NAGA: variants seen among roughly 807,000 people sequenced by gnomAD.
NAGA encodes alpha-N-acetylgalactosaminidase, also known as Acetylgalactosaminidase, alpha-N- (alpha-galactosidase B).
Under a neutral mutation model 45.6 loss-of-function variants are expected in NAGA, and 42 were observed. That is an observed-to-expected ratio of 0.92 (90% CI 0.72 to 1.19). The LOEUF (loss-of-function observed/expected upper bound fraction) is 1.19. Ranked by LOEUF, NAGA falls within the 50% of genes most tolerant of loss-of-function variation. The probability of loss-of-function intolerance (pLI) is 0.00; values close to 1 mark genes in which losing one functional copy is unlikely to be tolerated. For missense variants in NAGA, 493 were observed against 544.8 expected, an observed-to-expected ratio of 0.90 and a Z score of 0.95; for synonymous variants, 176 against 203.1, an observed-to-expected ratio of 0.87 and a Z score of 1.13.
chr22:42,061,944 T>C (rs1409884040), intron 7 of NAGA, among the ~76,000 whole-genome samples: 6 of 79,822 alleles, frequency 7.5e-5, no homozygotes, highest in South Asian at 4.8e-4. Context: ...AGAGTGAGAC[T>C]CCATCTCAAA....
intron 6 of NAGA, among the ~76,000 whole-genome samples, chr22:42,064,982 A>G (rs1396678112): frequency 1.3e-5 from 2 of 152,194 alleles, no homozygotes; most frequent in Non-Finnish European, 2.9e-5. Context: ...TCACTGTGCC[A>G]AGCATTTCAG....
At chr22:42,063,674 G>C (rs1165063421) in intron 6 of NAGA, among the ~76,000 whole-genome samples, 4 of 152,236 alleles carry the variant, frequency 2.6e-5, no homozygotes, top group Non-Finnish European at 4.4e-5. Context: ...CCTTAAAGTT[G>C]TAAGCCTTTA....
chr22:42,068,376 TC>T (rs1926866327), intron 2 of NAGA, 62 bp downstream of exon 2: 2 of 1,612,998 alleles, frequency 1.2e-6, no homozygotes, highest in Non-Finnish European at 1.7e-6. Flanking sequence ...ACTCTCCACT[TC>T]CTGCCCCCGA....
At chr22:42,062,715 C>A in intron 7 of NAGA, 112 bp downstream of exon 7, 1 of 1,242,808 alleles carries the variant, frequency 8.0e-7, no homozygotes, top group Non-Finnish European at 1.2e-6. Context: ...TGGTTGGGGA[C>A]TGGGCGACTC....
At position 42,067,338 on chromosome 22, in the gene NAGA, G is replaced by A. The variant is rs201094546; in HGVS notation, c.325-48C>T. ...TGGGCTCAAGCAGGACCCTCAAGGA[G>A]CCTCCTCAAGGCATATCTGACCCCG... On this transcript the variant is annotated intron_variant, in intron 3 of 8. Coordinates refer to ENST00000396398, the MANE Select transcript of NAGA (RefSeq NM_000262.3). 2.5e-6 allele frequency: 4 copies of A among 1,607,406 alleles called. No individual in the cohort carries two copies. In the Admixed American group the frequency reaches 5.0e-5, roughly 20 times the overall value.
At position 42,067,207 on chromosome 22, in the gene NAGA, G is replaced by C. The variant is rs1449550607; in HGVS notation, c.408C>G (p.Asp136Glu). 3.1e-6 allele frequency: 5 copies of C among 1,614,070 alleles called. No individual in the cohort carries two copies. The African/African-American group carries it at 6.7e-5, about 22-fold the overall frequency. ...TCMGYPGTTL[D>E]KVVQDAQTFA... ...AGGTCTGAGCATCCTGGACCACCTTGTCCAGTGTGGTGCCTGGGTAACCCA... is the reference window on the plus strand; with the variant it reads ...AGGTCTGAGCATCCTGGACCACCTTCTCCAGTGTGGTGCCTGGGTAACCCA... The change falls in exon 4 of 9, where the codon GAC becomes GAG. Residue 136 changes from aspartate (D) to glutamate (E), a missense_variant. Coordinates refer to ENST00000396398, the MANE Select transcript of NAGA (RefSeq NM_000262.3).
rs1387064011 is a variant in NAGA at position 42,067,808 on chromosome 22, T to A, written c.281A>T (p.Asp94Val). The A allele has an allele frequency of 1.9e-6, 3 of 1,612,688 alleles. No homozygotes were observed. Among genetic ancestry groups the A allele is most frequent in the Non-Finnish European group, 2.5e-6 (3 of 1,179,960 alleles). ...GRDASGRLMP[D>V]PKRFPHGIPF... Reference sequence around the variant, plus strand: ...AATGCCATGAGGGAAGCGCTTGGGATCCGGCATCAGGCGGCCACTGGCATC... The same window carrying A: ...AATGCCATGAGGGAAGCGCTTGGGAACCGGCATCAGGCGGCCACTGGCATC... Residue 94 changes from aspartate to valine, a missense_variant, in exon 3 of 9, where the codon GAT becomes GTT. Physicochemically the swap from Asp to Val is radical, Grantham distance 152. Coordinates refer to ENST00000396398, the MANE Select transcript of NAGA (RefSeq NM_000262.3).
At position 42,058,464 on chromosome 22, in the gene NAGA, C is replaced by A. The variant is rs1219747130; in HGVS notation, c.*1815G>T. 7.2e-6 allele frequency: 1 copy of A among 139,798 alleles called. No individual in the cohort carries two copies. The highest frequency in any genetic ancestry group is 2.8e-5 in the African/African-American group (1 of 36,066). The allele number at this position is 139,798 out of a possible 1,614,324, so 8.7% of individuals were successfully genotyped here. A position where few individuals can be genotyped will look rare whatever the true frequency, so the allele number is the denominator to read the frequency against. The stretch of plus-strand genomic sequence containing the variant: ...TTTTAAAAAGAGAAAGGGTACCTTG[C>A]GTCCAAACAAGTCTGTATTTAACTG... On this transcript the variant is annotated 3_prime_UTR_variant, in exon 9 of 9. Coordinates refer to ENST00000396398, the MANE Select transcript of NAGA (RefSeq NM_000262.3).
At chr22:42,065,716 A>T (rs375582790) in intron 6 of NAGA, 22 bp downstream of exon 6, 44 of 1,612,986 alleles carry the variant, frequency 2.7e-5, no homozygotes, top group Non-Finnish European at 3.5e-5. Flanking sequence ...GGGCCTAGGG[A>T]CATCCCCCTC....
At chr22:42,062,147 A>G (rs924411645) in intron 7 of NAGA, among the ~76,000 whole-genome samples, 3 of 152,112 alleles carry the variant, frequency 2.0e-5, no homozygotes, top group Non-Finnish European at 2.9e-5. Flanking sequence ...AATAAATAGC[A>G]GCCACCAGTA....
rs1466914287 is a variant in NAGA at position 42,058,460 on chromosome 22, C to T, written c.*1819G>A. On this transcript the variant is annotated 3_prime_UTR_variant, in exon 9 of 9. Transcript: ENST00000396398. ...AAGTTTTTAAAAAGAGAAAGGGTAC[C>T]TTGCGTCCAAACAAGTCTGTATTTA... The T allele has an allele frequency of 1.4e-5, 2 of 145,604 alleles. No homozygotes were observed. Among genetic ancestry groups the T allele is most frequent in the African/African-American group, 2.6e-5 (1 of 38,440 alleles). 9.0% of individuals were successfully genotyped at this position (145,604 alleles called of 1,614,324 possible).
Position 42,060,280 on chromosome 22 carries a change from C to G in NAGA, c.1235G>C (p.Ter412SerextTer13), listed in dbSNP as rs1347327906. 3 of 1,613,366 alleles carry G rather than the reference C, an allele frequency of 1.9e-6. No individual in the cohort carries two copies. The highest frequency in any genetic ancestry group is 2.5e-6 in the Non-Finnish European group (3 of 1,180,000). ...CAGCCTGTCACATGTCCCAGCTCCT[C>G]ACTGCTGGGACATCTCCAGGTTCTT... is the stretch of plus-strand genomic sequence containing the variant. ...PIKNLEMSQQ[*>S] The change falls in exon 9 of 9, where the codon TGA (stop) becomes TCA (serine). Residue 412 changes from the stop codon to serine (S), a stop_lost. Coordinates refer to ENST00000396398, the MANE Select transcript of NAGA (RefSeq NM_000262.3).
chr22:42,070,768 C>T lies in NAGA; in HGVS notation c.-471G>A, dbSNP rs1416085864. Reference sequence around the variant, plus strand: ...TCCCACCGCACTTATCCTACCGAAGCGTTCAGACCTGCCGCCGCTTCTGAC... The same window carrying T: ...TCCCACCGCACTTATCCTACCGAAGTGTTCAGACCTGCCGCCGCTTCTGAC... On this transcript the variant is annotated 5_prime_UTR_variant, in exon 1 of 9. Transcript: ENST00000396398. 1.2e-5 allele frequency: 3 copies of T among 249,048 alleles called. No individual in the cohort carries two copies. Among genetic ancestry groups the T allele is most frequent in the Non-Finnish European group, 1.6e-5 (2 of 123,990 alleles). The allele number at this position is 249,048 out of a possible 1,614,324, so 15.4% of individuals were successfully genotyped here. A position where few individuals can be genotyped will look rare whatever the true frequency, so the allele number is the denominator to read the frequency against.
chr22:42,068,613 G>A, intron 1 of NAGA, 39 bp from the exon 2 acceptor site: 1 of 1,611,932 alleles, frequency 6.2e-7, no homozygotes, highest in Non-Finnish European at 8.5e-7. Flanking sequence ...ACTATCAGTT[G>A]CCCCCACAGC....
At chr22:42,070,132 T>TA (rs1316061394) in intron 1 of NAGA, 150 bp downstream of exon 1, 2 of 921,304 alleles carry the variant, frequency 2.2e-6, no homozygotes, top group African/African-American at 3.2e-5. Flanking sequence ...GATTCCCGTA[T>TA]GGGGAAGCAT....
intron 6 of NAGA, among the ~76,000 whole-genome samples, chr22:42,064,686 G>C (rs1926622078): frequency 6.6e-6 from 1 of 152,110 alleles, no homozygotes; most frequent in Admixed American, 6.5e-5. Context: ...CCCCATGGGG[G>C]TGATGGGGGT....
In NAGA at chr22:42,070,374, C is replaced by G; in HGVS notation, c.-77G>C. 6.3e-7 allele frequency: 1 copy of G among 1,577,856 alleles called. No homozygotes were observed. Among genetic ancestry groups the G allele is most frequent in the Non-Finnish European group, 8.7e-7 (1 of 1,147,050 alleles). ...AGCTGTATGTGTTGGGCTCTGGAAG[C>G]TAAGAAACGTCTGAAAAGCACTGGG... On this transcript the variant is annotated 5_prime_UTR_variant, in exon 1 of 9. Coordinates refer to ENST00000396398, the MANE Select transcript of NAGA (RefSeq NM_000262.3).
rs1003982691 is a variant in NAGA at position 42,058,962 on chromosome 22, G to A, written c.*1317C>T. ...GGTGACCCTATACTTAACCAGTAAA[G>A]CTTCAATCATCTTAAATGATGTAAC... On this transcript the variant is annotated 3_prime_UTR_variant, in exon 9 of 9. Coordinates refer to ENST00000396398, the MANE Select transcript of NAGA (RefSeq NM_000262.3). 1.3e-5 allele frequency: 2 copies of A among 152,198 alleles called. No individual in the cohort carries two copies. The highest frequency in any genetic ancestry group is 4.8e-5 in the African/African-American group (2 of 41,446). 9.4% of individuals were successfully genotyped at this position (152,198 alleles called of 1,614,324 possible).
Position 42,070,359 on chromosome 22 carries a change from G to A in NAGA, c.-62C>T. 6.2e-7 allele frequency: 1 copy of A among 1,602,260 alleles called. No individual in the cohort carries two copies. The highest frequency in any genetic ancestry group is 8.6e-7 in the Non-Finnish European group (1 of 1,169,208). On this transcript the variant is annotated 5_prime_UTR_variant, in exon 1 of 9. Transcript: ENST00000396398. The stretch of plus-strand genomic sequence containing the variant: ...TGGTCTGCGTGTATCAGCTGTATGT[G>A]TTGGGCTCTGGAAGCTAAGAAACGT...
Sources: gnomAD v4.1 joint callset for allele counts (sites outside exome capture counted in the v4.1 genomes callset) on GRCh38, gnomAD v4.1.1 for gene constraint, MANE v1.5 for transcripts, NCBI Gene and HGNC (gene_info 2026-07-23, HGNC 2026-07-21) for gene names.